The following SLC27A4 variants were observed in gnomAD, a reference collection of about 807,000 sequenced individuals.
SLC27A4 encodes solute carrier family 27 member 4.
A neutral mutation model predicts 64.4 loss-of-function variants in SLC27A4; 33 were observed. That is an observed-to-expected ratio of 0.51 (90% CI 0.39 to 0.68). The LOEUF (loss-of-function observed/expected upper bound fraction) is 0.68, where lower values mean the gene tolerates loss of function less well. SLC27A4 is among the 30% of genes least tolerant of loss of function. SLC27A4 has a pLI of 0.00. For missense variants in SLC27A4, 824 were observed against 883.5 expected (o/e 0.93, Z 0.85); for synonymous variants, 377 against 370.0 (o/e 1.02, Z -0.22).
chr9:128,349,762 G>A (rs1051870153), intron 4 of SLC27A4, among the ~76,000 whole-genome samples: 5 of 152,190 alleles, frequency 3.3e-5, no homozygotes, highest in Non-Finnish European at 5.9e-5. Context: ...AAACTCTAAC[G>A]TGGCAATCCC....
chr9:128,348,173 G>T lies in SLC27A4; in HGVS notation c.557-372G>T, dbSNP rs551240851. Among the ~76,000 whole-genome samples, 3 of 152,216 alleles carry T rather than the reference G, an allele frequency of 2.0e-5. No individual in the cohort carries two copies. In the East Asian group the frequency reaches 5.8e-4, roughly 29 times the overall value. On this transcript the variant is annotated intron_variant, in intron 3 of 12. Coordinates refer to ENST00000300456, the MANE Select transcript of SLC27A4 (RefSeq NM_005094.4). ...ACAGAGTAAGTAGTGCGGGATAGTG[G>T]GGGGGAGCCCAGACCTTGATGTGAG...
At position 128,353,350 on chromosome 9, in the gene SLC27A4, C is replaced by G; in HGVS notation, c.1198-65C>G. 6.2e-7 allele frequency: 1 copy of G among 1,613,248 alleles called. No individual in the cohort carries two copies. On this transcript the variant is annotated intron_variant, in intron 8 of 12. Transcript: ENST00000300456. The surrounding 1 kb of genome is among the most constrained non-coding windows in gnomAD (Gnocchi z 4.9). ...GAGTGTGGGTGCTGGAGTCCCACTT[C>G]CCCCTCATTGTCCAGTTTTGGGCCC...
At chr9:128,352,914 A>G in intron 7 of SLC27A4, 111 bp from the exon 8 acceptor site, 1 of 1,135,028 alleles carries the variant, frequency 8.8e-7, no homozygotes, top group Non-Finnish European at 1.3e-6. Flanking sequence ...CGGAGAGGGA[A>G]AGGATGGCAT....
chr9:128,355,563 G>T lies in SLC27A4; in HGVS notation c.1627+1G>T. The T allele has an allele frequency of 6.2e-7, 1 of 1,609,990 alleles. No homozygotes were observed. The highest frequency in any genetic ancestry group is 8.5e-7 in the Non-Finnish European group (1 of 1,180,002). On this transcript the variant is annotated splice_donor_variant, in intron 11 of 12. Transcript: ENST00000300456. LOFTEE classifies it high-confidence loss of function. ...GCCGTGTATGGTGTCGAGGTGCCAG[G>T]TATGTGCAGGCAGGCGCGAGGTGTG...
At chr9:128,352,182 G>A (rs1832746932) in intron 6 of SLC27A4, among the ~76,000 whole-genome samples, 1 of 150,626 alleles carries the variant, frequency 6.6e-6, no homozygotes, top group Admixed American at 6.6e-5. Flanking sequence ...GCGACAGAGC[G>A]AGACTCCGTC....
chr9:128,352,856 G>T (rs1206912842), intron 7 of SLC27A4, 109 bp downstream of exon 7: 4 of 1,088,868 alleles, frequency 3.7e-6, no homozygotes, highest in Non-Finnish European at 2.8e-6. Context: ...ATTCCAAAGG[G>T]CTCATTTGTG....
chr9:128,353,465 C>G lies in SLC27A4; in HGVS notation c.1248C>G (p.Ile416Met), dbSNP rs1373826093. 1.2e-6 allele frequency: 2 copies of G among 1,614,052 alleles called. No individual in the cohort carries two copies. The highest frequency in any genetic ancestry group is 2.7e-5 in the African/African-American group (2 of 74,908). The change falls in exon 9 of 13, where the codon ATC becomes ATG. Residue 416 changes from isoleucine to methionine, a missense_variant. Physicochemically the swap from Ile to Met is conservative, Grantham distance 10. Coordinates refer to ENST00000300456, the MANE Select transcript of SLC27A4 (RefSeq NM_005094.4). The surrounding 1 kb of genome is among the most constrained non-coding windows in gnomAD (Gnocchi z 4.9). ...GCATCCTGTCCTTCGTGTACCCCAT[C>G]CGGTTGGTACGTGTCAACGAGGACA... ...NSRILSFVYP[I>M]RLVRVNEDTM...
intron 12 of SLC27A4, among the ~76,000 whole-genome samples, chr9:128,357,376 G>A (rs1832836502): frequency 6.6e-6 from 1 of 151,986 alleles, no homozygotes; most frequent in Non-Finnish European, 1.5e-5. Flanking sequence ...GGAGCCACAG[G>A]TTGCAGTGAG....
rs1832779101 is a variant in SLC27A4, at chr9:128,353,946, T to C, written c.1324+405T>C. ...TTTTAGTAGAGACGGGGTTTCACCG[T>C]TTTAGCCGGGATGGTCTCGATCTCC... On this transcript the variant is annotated intron_variant, in intron 9 of 12. Coordinates refer to ENST00000300456, the MANE Select transcript of SLC27A4 (RefSeq NM_005094.4). The surrounding 1 kb of genome is among the most constrained non-coding windows in gnomAD (Gnocchi z 4.9). 6.6e-6 allele frequency among the ~76,000 whole-genome samples: 1 copy of C among 150,718 alleles called. No homozygotes were observed. The highest frequency in any genetic ancestry group is 2.1e-4 in the South Asian group (1 of 4,766).
intron 3 of SLC27A4, among the ~76,000 whole-genome samples, chr9:128,347,377 G>A (rs976124920): frequency 3.9e-4 from 59 of 152,224 alleles, no homozygotes; most frequent in African/African-American, 1.3e-3. Context: ...ACAGCACTCT[G>A]TTTTTTCTCC....
Position 128,360,654 on chromosome 9 carries a change from C to A in SLC27A4, c.*163C>A. 1 of 684,492 alleles carries A rather than the reference C, an allele frequency of 1.5e-6. No homozygotes were observed. The highest frequency in any genetic ancestry group is 2.5e-6 in the Non-Finnish European group (1 of 402,988). The allele number at this position is 684,492 out of a possible 1,614,324, so 42.4% of individuals were successfully genotyped here. On this transcript the variant is annotated 3_prime_UTR_variant, in exon 13 of 13. Coordinates refer to ENST00000300456, the MANE Select transcript of SLC27A4 (RefSeq NM_005094.4). ...AACTGCCAAGTGACTCATTGCCTTC[C>A]CAACCCTTCCAGAGGCTTTCTGTGA...
At chr9:128,359,023 A>G (rs532869183) in intron 12 of SLC27A4, among the ~76,000 whole-genome samples, 22 of 152,358 alleles carry the variant, frequency 1.4e-4, no homozygotes, top group African/African-American at 4.8e-4. Flanking sequence ...TGGAGATTGA[A>G]AAAGTCGAGC....
At position 128,340,682 on chromosome 9, in the gene SLC27A4, T is replaced by C; in HGVS notation, c.-163T>C. On this transcript the variant is annotated 5_prime_UTR_variant, in exon 1 of 13. Transcript: ENST00000300456. ...GGCGGGGCCGGGCGGCGGGCGGGGC[T>C]GGCGGGGCGGCCGGGCCATGCAGGG... The C allele has an allele frequency of 3.0e-6, 1 of 334,372 alleles. No homozygotes were observed. Among genetic ancestry groups the C allele is most frequent in the Non-Finnish European group, 5.2e-6 (1 of 193,998 alleles). 20.7% of individuals were successfully genotyped at this position (334,372 alleles called of 1,614,324 possible). A position where few individuals can be genotyped will look rare whatever the true frequency, so the allele number is the denominator to read the frequency against.
chr9:128,353,188 A>T lies in SLC27A4; in HGVS notation c.1151A>T (p.Tyr384Phe), dbSNP rs562299414. Residue 384 changes from tyrosine (Y) to phenylalanine (F), a missense_variant, in exon 8 of 13, where the codon TAC becomes TTC. By Grantham distance (22) the Tyr-to-Phe change is conservative. Transcript: ENST00000300456. This position sits in a 1 kb window ranked among gnomAD's most constrained non-coding sequence, Gnocchi z 4.9. Reference protein sequence around the residue: ...RFHIPQVAEFYGATECNCSLG... With the variant: ...RFHIPQVAEFFGATECNCSLG... ...CACATACCCCAGGTGGCTGAGTTCT[A>T]CGGGGCCACAGAGTGCAACTGTAGC... The T allele has an allele frequency of 3.1e-6, 5 of 1,614,008 alleles. No individual in the cohort carries two copies. In the African/African-American group the frequency reaches 5.3e-5, roughly 17 times the overall value.
chr9:128,354,935 A>G lies in SLC27A4; in HGVS notation c.1325-118A>G, dbSNP rs1238736600. 4 of 1,167,880 alleles carry G rather than the reference A, an allele frequency of 3.4e-6. No individual in the cohort carries two copies. The East Asian group carries it at 7.7e-5, about 23-fold the overall frequency. 72.3% of individuals were successfully genotyped at this position (1,167,880 alleles called of 1,614,324 possible). A position where few individuals can be genotyped will look rare whatever the true frequency, so the allele number is the denominator to read the frequency against. ...ACTGCTGCACTCCAGCCTGGGCAAC[A>G]AGAGCAAAACTCCGTCTCAAAAAAA... On this transcript the variant is annotated intron_variant, in intron 9 of 12. Transcript: ENST00000300456.
rs769600924 is a variant in SLC27A4, at chr9:128,353,128, G to A, written c.1091G>A (p.Arg364Gln). The change falls in exon 8 of 13, where the codon CGG becomes CAG. Residue 364 changes from arginine (R) to glutamine (Q), a missense_variant. Physicochemically the swap from Arg to Gln is conservative, Grantham distance 43 (BLOSUM62 1). Transcript: ENST00000300456. The surrounding 1 kb of genome is among the most constrained non-coding windows in gnomAD (Gnocchi z 4.9). Reference protein sequence around the residue: ...QVRMALGNGLRQSIWTNFSSR... With the variant: ...QVRMALGNGLQQSIWTNFSSR... ...CGCATGGCACTAGGCAATGGCCTCCGGCAGTCCATCTGGACCAACTTTTCC... is the reference window on the plus strand; with the variant it reads ...CGCATGGCACTAGGCAATGGCCTCCAGCAGTCCATCTGGACCAACTTTTCC... The A allele has an allele frequency of 1.2e-5, 20 of 1,614,074 alleles. No individual in the cohort carries two copies. The highest frequency in any genetic ancestry group is 4.5e-5 in the East Asian group (2 of 44,900).
At position 128,353,273 on chromosome 9, in the gene SLC27A4, A is replaced by T. The variant is rs753135803; in HGVS notation, c.1197+39A>T. The T allele has an allele frequency of 3.1e-6, 5 of 1,610,354 alleles. No homozygotes were observed. Among genetic ancestry groups the T allele is most frequent in the Non-Finnish European group, 4.2e-6 (5 of 1,177,502 alleles). ...GGGGATGGGCGAGGCTGCTGCAGGG[A>T]TGGCCCACAGAAGGCACTGGATGCA... is the stretch of plus-strand genomic sequence containing the variant. On this transcript the variant is annotated intron_variant, in intron 8 of 12. Transcript: ENST00000300456. The surrounding 1 kb of genome is among the most constrained non-coding windows in gnomAD (Gnocchi z 4.9).
At chr9:128,344,446 G>A (rs1362447987) in intron 2 of SLC27A4, among the ~76,000 whole-genome samples, 2 of 151,998 alleles carry the variant, frequency 1.3e-5, no homozygotes, top group Non-Finnish European at 2.9e-5. Flanking sequence ...TTGAGCCTGG[G>A]AAGTGGAGGT....
chr9:128,348,844 A>C (rs1832695302), intron 4 of SLC27A4, 141 bp downstream of exon 4: 1 of 861,830 alleles, frequency 1.2e-6, no homozygotes, highest in African/African-American at 1.7e-5. Flanking sequence ...TCCATCTGGA[A>C]AATGGTGACA....
Sources: gnomAD v4.1 joint callset for allele counts (sites outside exome capture counted in the v4.1 genomes callset) on GRCh38, gnomAD v4.1.1 for gene constraint, Gnocchi (gnomAD v3.1) non-coding constraint, MANE v1.5 for transcripts, NCBI Gene and HGNC (gene_info 2026-07-23, HGNC 2026-07-21) for gene names.